Variants in ELMO1 observed in about 807,000 individuals in gnomAD.
ELMO1 encodes the protein engulfment and cell motility 1.
In ELMO1, 26 loss-of-function variants were observed where a neutral mutation model predicts 98.9. The observed-to-expected ratio is 0.26, with a 90% CI of 0.19 to 0.36. ELMO1 has a LOEUF of 0.36. Ranked by LOEUF, ELMO1 falls within the 10% of genes least tolerant of loss-of-function variation. The pLI is 1.00. For missense variants in ELMO1, 627 were observed against 935.2 expected (o/e 0.67, Z 4.30); for synonymous variants, 346 against 346.0 (o/e 1.00, Z 0.00).
At chr7:37,157,303 A>C (rs761143843) in intron 13 of ELMO1, among the ~76,000 whole-genome samples, 6 of 152,204 alleles carry the variant, frequency 3.9e-5, no homozygotes, top group Non-Finnish European at 5.9e-5. Flanking sequence ...ATAGTGTTGG[A>C]AGTTCTGGCC....
At chr7:37,045,534 TG>T (rs1795750091) in intron 15 of ELMO1, among the ~76,000 whole-genome samples, 1 of 152,218 alleles carries the variant, frequency 6.6e-6, no homozygotes, top group Non-Finnish European at 1.5e-5. Flanking sequence ...GTTTCTCCTT[TG>T]CTCACTTCTT....
chr7:37,443,193 G>C lies in ELMO1; in HGVS notation c.-74+5482C>G, dbSNP rs78190268. ...CCCTCAAACCACCATTCCCTATCCA[G>C]AGTACAACCCACTGAACACATCTCA... On this transcript the variant is annotated intron_variant, in intron 1 of 21. Coordinates refer to ENST00000310758, the MANE Select transcript of ELMO1 (RefSeq NM_014800.11). Among the ~76,000 whole-genome samples, 1,037 of 152,234 alleles carry C rather than the reference G, an allele frequency of 6.8e-3. 11 individuals are homozygous for C. Among genetic ancestry groups the C allele is most frequent in the African/African-American group, 0.023 (967 of 41,544 alleles).
At chr7:37,333,202 T>C (rs1384943517) in intron 2 of ELMO1, among the ~76,000 whole-genome samples, 1 of 152,238 alleles carries the variant, frequency 6.6e-6, no homozygotes, top group Non-Finnish European at 1.5e-5. Context: ...TACAAGCTGT[T>C]TGTTCCTGGG....
At chr7:36,966,475 G>A (rs1789442497) in intron 16 of ELMO1, among the ~76,000 whole-genome samples, 1 of 152,144 alleles carries the variant, frequency 6.6e-6, no homozygotes, top group Non-Finnish European at 1.5e-5. Context: ...ACTCCTTCTC[G>A]AAGCAGAAGC....
chr7:37,333,598 AAT>A (rs1471320537), intron 2 of ELMO1, among the ~76,000 whole-genome samples: 1 of 152,216 alleles, frequency 6.6e-6, no homozygotes, highest in African/African-American at 2.4e-5. Context: ...AAACTTGGCA[AAT>A]TTTTAAGATT....
In ELMO1 at chr7:36,870,679, A is replaced by G. The variant is rs1194164050; in HGVS notation, c.1823-204T>C. On this transcript the variant is annotated intron_variant, in intron 19 of 21. Coordinates refer to ENST00000310758, the MANE Select transcript of ELMO1 (RefSeq NM_014800.11). The surrounding 1 kb of genome is among the most constrained non-coding windows in gnomAD (Gnocchi z 4.4). ...AAATATATCTTATATTCTGGGAAAA[A>G]GCATCCCTGGAGAGAAAGAGCTTGC... Among the ~76,000 whole-genome samples, 1 of 152,210 alleles carries G rather than the reference A, an allele frequency of 6.6e-6. No homozygotes were observed. The highest frequency in any genetic ancestry group is 1.5e-5 in the Non-Finnish European group (1 of 68,042).
At chr7:36,999,712 T>C (rs920806924) in intron 16 of ELMO1, among the ~76,000 whole-genome samples, 2 of 152,226 alleles carry the variant, frequency 1.3e-5, no homozygotes, top group African/African-American at 4.8e-5. Context: ...TTGAAATTGC[T>C]GTATTTGTCA....
chr7:36,934,398 C>T (rs539957675), intron 16 of ELMO1, among the ~76,000 whole-genome samples: 10 of 152,300 alleles, frequency 6.6e-5, no homozygotes, highest in African/African-American at 2.2e-4. Context: ...CGCTGGGCTT[C>T]GCAGCATCCA....
Position 37,324,700 on chromosome 7 carries a change from G to A in ELMO1, c.79-8740C>T, listed in dbSNP as rs192607065. On this transcript the variant is annotated intron_variant, in intron 2 of 21. Coordinates refer to ENST00000310758, the MANE Select transcript of ELMO1 (RefSeq NM_014800.11). Reference sequence around the variant, plus strand: ...GGGTTTAAGGGATTCTCCTGTCTTAGCCTCCTGAGTAGCTGAGACTAGAGG... The same window carrying A: ...GGGTTTAAGGGATTCTCCTGTCTTAACCTCCTGAGTAGCTGAGACTAGAGG... Among the ~76,000 whole-genome samples, 34 of 152,296 alleles carry A rather than the reference G, an allele frequency of 2.2e-4. No individual in the cohort carries two copies. The East Asian group carries it at 6.0e-3, about 27-fold the overall frequency.
chr7:37,269,106 T>C (rs1796422846), intron 5 of ELMO1, among the ~76,000 whole-genome samples: 1 of 152,234 alleles, frequency 6.6e-6, no homozygotes, highest in African/African-American at 2.4e-5. Context: ...CATATTTTTA[T>C]TGTGTATGTA....
Position 37,167,049 on chromosome 7 carries a change from T to G in ELMO1, c.1087-33815A>C, listed in dbSNP as rs1268745719. ...GTATTGGGTGCATATATATTTAGGA[T>G]AGTTAGCTCTTCTTGTTGAATTGAT... On this transcript the variant is annotated intron_variant, in intron 13 of 21. Coordinates refer to ENST00000310758, the MANE Select transcript of ELMO1 (RefSeq NM_014800.11). Among the ~76,000 whole-genome samples, 3 of 152,322 alleles carry G rather than the reference T, an allele frequency of 2.0e-5. No homozygotes were observed. The East Asian group carries it at 5.8e-4, about 29-fold the overall frequency.
intron 13 of ELMO1, among the ~76,000 whole-genome samples, chr7:37,155,005 T>C (rs1371898292): frequency 3.3e-5 from 5 of 152,202 alleles, no homozygotes; most frequent in African/African-American, 9.7e-5. Context: ...TAGGGGCCAA[T>C]ATTCAACATT....
Position 36,980,713 on chromosome 7 carries a change from G to A in ELMO1, c.1437+32586C>T, listed in dbSNP as rs377383645. Reference sequence around the variant, plus strand: ...ATACTTATTGTAATGATAATTTTACGTATGTGATGTTCAGCTATTTCCCAG... The same window carrying A: ...ATACTTATTGTAATGATAATTTTACATATGTGATGTTCAGCTATTTCCCAG... On this transcript the variant is annotated intron_variant, in intron 16 of 21. Transcript: ENST00000310758. Among the ~76,000 whole-genome samples the A allele has an allele frequency of 1.6e-3, 242 of 152,260 alleles. 7 individuals are homozygous for A. In the South Asian group the frequency reaches 0.047, roughly 29 times the overall value.
chr7:36,856,099 T>G (rs553961339), intron 21 of ELMO1, among the ~76,000 whole-genome samples: 3 of 152,330 alleles, frequency 2.0e-5, no homozygotes, highest in Admixed American at 1.3e-4. Flanking sequence ...ATGTAACACC[T>G]AGGTGGGAGT....
chr7:37,439,803 T>C (rs1805316358), intron 1 of ELMO1, among the ~76,000 whole-genome samples: 1 of 152,232 alleles, frequency 6.6e-6, no homozygotes, highest in Non-Finnish European at 1.5e-5. Context: ...AGTCGCTTCC[T>C]GGCAGTGGAG....
At chr7:36,974,737 C>A (rs1356070525) in intron 16 of ELMO1, among the ~76,000 whole-genome samples, 1 of 152,160 alleles carries the variant, frequency 6.6e-6, no homozygotes, top group African/African-American at 2.4e-5. Context: ...TTTGTTCTTT[C>A]GCTCTTTGCA....
chr7:36,923,338 A>G lies in ELMO1; in HGVS notation c.1438-28321T>C, dbSNP rs370002726. Among the ~76,000 whole-genome samples the G allele has an allele frequency of 3.9e-5, 6 of 152,250 alleles. No homozygotes were observed. In the East Asian group the frequency reaches 5.8e-4, roughly 15 times the overall value. Reference sequence around the variant, plus strand: ...ATCTTGAAGCCAAACAGTGTGTGTCAATGTTATATCTCAGGTAGGAGAGTA... The same window carrying G: ...ATCTTGAAGCCAAACAGTGTGTGTCGATGTTATATCTCAGGTAGGAGAGTA... On this transcript the variant is annotated intron_variant, in intron 16 of 21. Coordinates refer to ENST00000310758, the MANE Select transcript of ELMO1 (RefSeq NM_014800.11).
chr7:37,055,641 G>GT (rs1318171008), intron 15 of ELMO1, among the ~76,000 whole-genome samples: 4 of 152,112 alleles, frequency 2.6e-5, no homozygotes, highest in African/African-American at 9.7e-5. Flanking sequence ...TCTCTCATTC[G>GT]TTTTATTTTG....
At chr7:36,934,164 T>C (rs914937324) in intron 16 of ELMO1, among the ~76,000 whole-genome samples, 1 of 152,134 alleles carries the variant, frequency 6.6e-6, no homozygotes, top group African/African-American at 2.4e-5. Context: ...TGGGCCATGA[T>C]AGCAAGAAAC....
Sources: allele counts gnomAD v4.1 joint callset (sites outside exome capture counted in the v4.1 genomes callset), GRCh38; gene constraint gnomAD v4.1.1; non-coding constraint Gnocchi (gnomAD v3.1); transcripts MANE v1.5; gene names NCBI Gene and HGNC (gene_info 2026-07-23, HGNC 2026-07-21).